MAP3K6: variants seen among roughly 807,000 people sequenced by gnomAD.
The protein encoded by MAP3K6 is mitogen-activated protein kinase kinase kinase 6.
In MAP3K6, 105 loss-of-function variants were observed where a neutral mutation model predicts 147.1. The ratio of observed to expected loss-of-function variants is 0.71; its 90% CI spans 0.61 to 0.84. The LOEUF (loss-of-function observed/expected upper bound fraction) is 0.84. MAP3K6 is among the 40% of genes least tolerant of loss of function. The pLI, the probability that MAP3K6 is intolerant of heterozygous loss-of-function variation, is 0.00. For missense variants in MAP3K6, 1,569 were observed against 1,715.0 expected (o/e 0.91, Z 1.50); for synonymous variants, 695 against 732.4 (o/e 0.95, Z 0.82).
chr1:27,361,879 G>A lies in MAP3K6; in HGVS notation c.1416-12C>T, dbSNP rs373380032. The A allele has an allele frequency of 4.9e-4, 744 of 1,532,764 alleles. 2 individuals are homozygous for A. The highest frequency in any genetic ancestry group is 5.9e-4 in the Non-Finnish European group (667 of 1,136,540). The allele number at this position is 1,532,764 out of a possible 1,614,324, so 94.9% of individuals were successfully genotyped here. On this transcript the variant is annotated splice_polypyrimidine_tract_variant and intron_variant, in intron 9 of 28. Transcript: ENST00000357582. ...CGGACACCAGGTACCTGCATGCAAA[G>A]CCACATCCTCAGTTCAGCCCAGGCA...
chr1:27,355,582 G>A, intron 28 of MAP3K6, 87 bp downstream of exon 28: 1 of 1,584,570 alleles, frequency 6.3e-7, no homozygotes, highest in Non-Finnish European at 8.7e-7. Flanking sequence ...GTGCCCCTTT[G>A]GTTTCCAGGA....
intron 24 of MAP3K6, 34 bp downstream of exon 24, chr1:27,356,975 C>A: frequency 6.3e-7 from 1 of 1,591,578 alleles, no homozygotes. Context: ...ACCACACCCT[C>A]GCTGGCAGGA....
In MAP3K6 at chr1:27,356,116, A is replaced by C. The variant is rs2015512106; in HGVS notation, c.3638-17T>G. ...AAAGAGCAGCTGTCAAGAAGCAGTCAGGTGATGAGCCCAAGAGTGCCTCCT... is the reference window on the plus strand; with the variant it reads ...AAAGAGCAGCTGTCAAGAAGCAGTCCGGTGATGAGCCCAAGAGTGCCTCCT... On this transcript the variant is annotated splice_polypyrimidine_tract_variant and intron_variant, in intron 26 of 28. Coordinates refer to ENST00000357582, the MANE Select transcript of MAP3K6 (RefSeq NM_004672.5). The C allele has an allele frequency of 6.2e-7, 1 of 1,611,676 alleles. No individual in the cohort carries two copies. Among genetic ancestry groups the C allele is most frequent in the Non-Finnish European group, 8.5e-7 (1 of 1,177,872 alleles).
chr1:27,358,843 C>T lies in MAP3K6; in HGVS notation c.2449G>A (p.Glu817Lys). 1 of 1,596,066 alleles carries T rather than the reference C, an allele frequency of 6.3e-7. No homozygotes were observed. Among genetic ancestry groups the T allele is most frequent in the Non-Finnish European group, 8.5e-7 (1 of 1,170,836 alleles). ...CCGCGTGGGCCCTGGTCAATGATTT[C>T]TGGGGCCATATACTGCAGAGTTCCT... ...FTGTLQYMAPEIIDQGPRGYG... is the reference protein window; with the variant it reads ...FTGTLQYMAPKIIDQGPRGYG... Residue 817 changes from glutamate to lysine, a missense_variant, in exon 19 of 29, where the codon GAA (glutamate) becomes AAA (lysine). By Grantham distance (56) the Glu-to-Lys change is moderately conservative. Transcript: ENST00000357582. This position sits in a 1 kb window ranked among gnomAD's most constrained non-coding sequence, Gnocchi z 6.2.
intron 24 of MAP3K6, 42 bp from the exon 25 acceptor site, chr1:27,356,791 C>CGTTTGGGAACCCCAGACCCCA: frequency 6.6e-7 from 1 of 1,525,228 alleles, no homozygotes; most frequent in Non-Finnish European, 8.8e-7. Context: ...CTACAACGCC[C>CGTTTGGGAACCCCAGACCCCA]GTTTGGGAAC....
chr1:27,356,524 T>A (rs747723789), intron 25 of MAP3K6, 24 bp from the exon 26 acceptor site: 5 of 1,612,296 alleles, frequency 3.1e-6, no homozygotes, highest in Non-Finnish European at 4.2e-6. Flanking sequence ...AAGAGTAGAA[T>A]GGAGCGGTGA....
rs574925405 is a variant in MAP3K6 at position 27,356,405 on chromosome 1, A to C, written c.3620T>G (p.Leu1207Arg). The C allele has an allele frequency of 1.2e-6, 2 of 1,610,812 alleles. No individual in the cohort carries two copies. Among genetic ancestry groups the C allele is most frequent in the Admixed American group, 3.4e-5 (2 of 59,544 alleles). ...RLNEEARTYV[L>R]APEPPTALST... ...CCACTCACTTGGAGGCTCTGGGGCC[A>C]GGACATAGGTCCGGGCTTCCTCATT... The change falls in exon 26 of 29, where the codon CTG becomes CGG. Residue 1207 changes from leucine (L) to arginine (R), a missense_variant. Physicochemically the swap from Leu to Arg is moderately radical, Grantham distance 102. Coordinates refer to ENST00000357582, the MANE Select transcript of MAP3K6 (RefSeq NM_004672.5).
intron 8 of MAP3K6, 74 bp downstream of exon 8, chr1:27,362,567 T>G: frequency 8.5e-7 from 1 of 1,174,684 alleles, no homozygotes; most frequent in East Asian, 2.6e-5. Context: ...CCCAGTGTGC[T>G]CTCTCCCTGC....
At chr1:27,361,913 CA>C (rs2015790908) in intron 9 of MAP3K6, 46 bp from the exon 10 acceptor site, 1 of 1,503,204 alleles carries the variant, frequency 6.7e-7, no homozygotes, top group Admixed American at 2.3e-5. Context: ...CACCAACCAG[CA>C]CTGCCAGGGA....
chr1:27,366,236 G>T lies in MAP3K6; in HGVS notation c.340+22C>A. 7.7e-7 allele frequency: 1 copy of T among 1,297,118 alleles called. No individual in the cohort carries two copies. The highest frequency in any genetic ancestry group is 9.8e-7 in the Non-Finnish European group (1 of 1,024,514). 80.4% of individuals were successfully genotyped at this position (1,297,118 alleles called of 1,614,324 possible). A position where few individuals can be genotyped will look rare whatever the true frequency, so the allele number is the denominator to read the frequency against. ...GGACCCTGAGTCCCGCCCGGATCCG[G>T]CCCCGCCCCCAGCGCTCTCACCCGC... On this transcript the variant is annotated intron_variant, in intron 1 of 28. Transcript: ENST00000357582. This position sits in a 1 kb window ranked among gnomAD's most constrained non-coding sequence, Gnocchi z 5.5.
Position 27,357,488 on chromosome 1 carries a change from T to C in MAP3K6, c.3170A>G (p.Gln1057Arg), listed in dbSNP as rs2015572584. The C allele has an allele frequency of 6.2e-7, 1 of 1,613,576 alleles. No homozygotes were observed. Among genetic ancestry groups the C allele is most frequent in the Non-Finnish European group, 8.5e-7 (1 of 1,179,878 alleles). The stretch of plus-strand genomic sequence containing the variant: ...CCGTCCTTGCAGCGCCCGCAGCTCC[T>C]GGGCGAGCTGCCGGCGGTTGGGAGT... ...IHTPNRRQLA[Q>R]ELRALQGRLR... Residue 1057 changes from glutamine to arginine, a missense_variant, in exon 23 of 29, where the codon CAG becomes CGG. Gln to Arg is a conservative substitution (Grantham distance 43). Coordinates refer to ENST00000357582, the MANE Select transcript of MAP3K6 (RefSeq NM_004672.5).
In MAP3K6 at chr1:27,366,380, C is replaced by T; in HGVS notation, c.218G>A (p.Arg73His). 5 of 1,259,494 alleles carry T rather than the reference C, an allele frequency of 4.0e-6. No individual in the cohort carries two copies. The highest frequency in any genetic ancestry group is 5.0e-6 in the Non-Finnish European group (5 of 1,003,070). The allele number at this position is 1,259,494 out of a possible 1,614,324, so 78.0% of individuals were successfully genotyped here. Residue 73 changes from arginine (R) to histidine (H), a missense_variant, in exon 1 of 29, where the codon CGC (arginine) becomes CAC (histidine). Arg to His is a conservative substitution (Grantham distance 29). Coordinates refer to ENST00000357582, the MANE Select transcript of MAP3K6 (RefSeq NM_004672.5). This position sits in a 1 kb window ranked among gnomAD's most constrained non-coding sequence, Gnocchi z 5.5. ...CTGCGCGCAAGCCTCGCGCAGGCAGCGCAGGGGCAGCGGCTCCGCCTCGGT... is the reference window on the plus strand; with the variant it reads ...CTGCGCGCAAGCCTCGCGCAGGCAGTGCAGGGGCAGCGGCTCCGCCTCGGT... Reference protein sequence around the residue: ...EGTEAEPLPLRCLREACAQVP... With the variant: ...EGTEAEPLPLHCLREACAQVP...
rs1557560492 is a variant in MAP3K6 at position 27,360,197 on chromosome 1, GCTT to G, written c.2182+41_2182+43del. ...CTACCCCTGCCTGCCTCGGTCCCAT[GCTT>G]CACACCTCGGTTTCATTCCCATCCC... On this transcript the variant is annotated intron_variant, in intron 16 of 28. Coordinates refer to ENST00000357582, the MANE Select transcript of MAP3K6 (RefSeq NM_004672.5). This position sits in a 1 kb window ranked among gnomAD's most constrained non-coding sequence, Gnocchi z 4.5. The G allele has an allele frequency of 5.0e-6, 8 of 1,609,228 alleles. No homozygotes were observed. Among genetic ancestry groups the G allele is most frequent in the Non-Finnish European group, 6.8e-6 (8 of 1,176,730 alleles).
In MAP3K6 at chr1:27,363,986, T is replaced by A. The variant is rs752008836; in HGVS notation, c.795A>T (p.Arg265Ser). ...LRQELARLQR[R>S]LDSVELLSPD... ...GGCTCAGCAGCTCCACGCTGTCCAGTCTCCGCTGCAGGCGAGCCAGCTCCT... is the reference window on the plus strand; with the variant it reads ...GGCTCAGCAGCTCCACGCTGTCCAGACTCCGCTGCAGGCGAGCCAGCTCCT... The change falls in exon 5 of 29, where the codon AGA becomes AGT. Residue 265 changes from arginine to serine, a missense_variant. By Grantham distance (110) the Arg-to-Ser change is moderately radical. Coordinates refer to ENST00000357582, the MANE Select transcript of MAP3K6 (RefSeq NM_004672.5). 6.2e-7 allele frequency: 1 copy of A among 1,610,908 alleles called. No individual in the cohort carries two copies. Among genetic ancestry groups the A allele is most frequent in the Non-Finnish European group, 8.5e-7 (1 of 1,179,918 alleles).
rs2015706026 is a variant in MAP3K6 at position 27,360,453 on chromosome 1, A to AGGACC, written c.2055-90_2055-86dup. On this transcript the variant is annotated intron_variant, in intron 15 of 28. Coordinates refer to ENST00000357582, the MANE Select transcript of MAP3K6 (RefSeq NM_004672.5). This position sits in a 1 kb window ranked among gnomAD's most constrained non-coding sequence, Gnocchi z 4.5. ...CCCACGCCAGCCTGGCCCCGCCCCA[A>AGGACC]GGACCCGCCCCGCCCACAAGCCCTC... 6 of 1,404,726 alleles carry AGGACC rather than the reference A, an allele frequency of 4.3e-6. No homozygotes were observed. In the South Asian group the frequency reaches 6.7e-5, roughly 16 times the overall value. 87.0% of individuals were successfully genotyped at this position (1,404,726 alleles called of 1,614,324 possible). A position where few individuals can be genotyped will look rare whatever the true frequency, so the allele number is the denominator to read the frequency against.
Position 27,358,362 on chromosome 1 carries a change from TCA to T in MAP3K6, c.2777-45_2777-44del. 6.3e-7 allele frequency: 1 copy of T among 1,590,674 alleles called. No individual in the cohort carries two copies. The highest frequency in any genetic ancestry group is 8.5e-7 in the Non-Finnish European group (1 of 1,173,658). On this transcript the variant is annotated intron_variant, in intron 20 of 28. Coordinates refer to ENST00000357582, the MANE Select transcript of MAP3K6 (RefSeq NM_004672.5). This position sits in a 1 kb window ranked among gnomAD's most constrained non-coding sequence, Gnocchi z 6.2. ...CCATCAGCTGGGCTCTCCTCCACCC[TCA>T]CAGCTCCACAACTCCTCTGCCCTCC...
chr1:27,355,375 T>A lies in MAP3K6; in HGVS notation c.*16A>T. ...ATCCTTGGGCCTGTCTGGCCTATGATGCCCTCATTCAGCTCTCAGGGTCCA... is the reference window on the plus strand; with the variant it reads ...ATCCTTGGGCCTGTCTGGCCTATGAAGCCCTCATTCAGCTCTCAGGGTCCA... On this transcript the variant is annotated 3_prime_UTR_variant, in exon 29 of 29. Transcript: ENST00000357582. 6.2e-7 allele frequency: 1 copy of A among 1,611,136 alleles called. No individual in the cohort carries two copies.
intron 24 of MAP3K6, 106 bp downstream of exon 24, chr1:27,356,903 G>A (rs2015548233): frequency 1.3e-5 from 19 of 1,415,972 alleles, no homozygotes; most frequent in Non-Finnish European, 1.5e-5. Context: ...ACCGGCGCCT[G>A]CCTGCCCCTG....
rs752284653 is a variant in MAP3K6 at position 27,359,936 on chromosome 1, G to A, written c.2241C>T (p.Thr747=). 19 of 1,614,104 alleles carry A rather than the reference G, an allele frequency of 1.2e-5. No homozygotes were observed. Among genetic ancestry groups the A allele is most frequent in the Non-Finnish European group, 1.3e-5 (15 of 1,180,004 alleles). ...VWGPLKDNES[T]ISFYTRQILQ... ...GGATCTGGCGGGTGTAGAAACTGAT[G>A]GTGCTCTCGTTGTCCTTCAGGGGTC... is the stretch of plus-strand genomic sequence containing the variant. The change falls in exon 17 of 29, where the codon ACC becomes ACT. Residue 747 remains threonine, a synonymous_variant. Coordinates refer to ENST00000357582, the MANE Select transcript of MAP3K6 (RefSeq NM_004672.5). The surrounding 1 kb of genome is among the most constrained non-coding windows in gnomAD (Gnocchi z 4.4).
Sources: allele counts gnomAD v4.1 joint callset, GRCh38; gene constraint gnomAD v4.1.1; non-coding constraint Gnocchi (gnomAD v3.1); transcripts MANE v1.5; gene names NCBI Gene and HGNC (gene_info 2026-07-23, HGNC 2026-07-21).